The following SEMA6D variants were observed in gnomAD, a reference collection of about 807,000 sequenced individuals.
SEMA6D encodes semaphorin 6D.
A neutral mutation model predicts 106.6 loss-of-function variants in SEMA6D; 35 were observed. The ratio of observed to expected loss-of-function variants is 0.33; its 90% CI spans 0.25 to 0.44. The LOEUF (loss-of-function observed/expected upper bound fraction) is 0.44. Ranked by LOEUF, SEMA6D falls within the 20% of genes least tolerant of loss-of-function variation. SEMA6D has a pLI of 1.00. For missense variants in SEMA6D, 1,185 were observed against 1,345.9 expected (o/e 0.88, Z 1.87); for synonymous variants, 499 against 487.7 (o/e 1.02, Z -0.31).
intron 1 of SEMA6D, among the ~76,000 whole-genome samples, chr15:47,727,221 TC>T (rs2079814916): frequency 2.0e-5 from 3 of 152,188 alleles, no homozygotes; most frequent in Admixed American, 2.0e-4. Flanking sequence ...ACATCTTTGA[TC>T]TCCACCAGTG....
intron 1 of SEMA6D, among the ~76,000 whole-genome samples, chr15:47,286,185 C>T (rs1372978649): frequency 6.6e-6 from 1 of 152,120 alleles, no homozygotes; most frequent in African/African-American, 2.4e-5. Flanking sequence ...GAAATGGGAA[C>T]CTAAACTCTG....
intron 2 of SEMA6D, among the ~76,000 whole-genome samples, chr15:47,427,993 C>A (rs1315228784): frequency 6.6e-6 from 1 of 152,022 alleles, no homozygotes; most frequent in African/African-American, 2.4e-5. Context: ...TAATAAATTT[C>A]TTTCAGACAA....
chr15:47,505,933 T>A (rs1265474336), intron 3 of SEMA6D, among the ~76,000 whole-genome samples: 3 of 152,008 alleles, frequency 2.0e-5, no homozygotes, highest in African/African-American at 7.2e-5. Context: ...TGGGACGTGA[T>A]TGCAGAGATA....
At chr15:47,471,148 G>A (rs749532674) in intron 3 of SEMA6D, among the ~76,000 whole-genome samples, 1 of 152,112 alleles carries the variant, frequency 6.6e-6, no homozygotes, top group Non-Finnish European at 1.5e-5. Flanking sequence ...GTGGGAGCAG[G>A]GCCAGGGCAG....
intron 1 of SEMA6D, among the ~76,000 whole-genome samples, chr15:47,365,495 T>C (rs898584673): frequency 1.3e-5 from 2 of 152,178 alleles, no homozygotes; most frequent in Non-Finnish European, 2.9e-5. Flanking sequence ...ATCTCTTGAC[T>C]GGGTCAATTT....
intron 4 of SEMA6D, among the ~76,000 whole-genome samples, chr15:47,623,474 T>C (rs907415816): frequency 1.2e-4 from 18 of 152,254 alleles, no homozygotes; most frequent in Non-Finnish European, 2.1e-4. Context: ...TAGTAAAATT[T>C]ATCTTGATTT....
intron 4 of SEMA6D, among the ~76,000 whole-genome samples, chr15:47,667,570 A>C (rs2078051825): frequency 6.6e-6 from 1 of 152,224 alleles, no homozygotes; most frequent in African/African-American, 2.4e-5. Context: ...AGTAGCTTAT[A>C]AACAATAGAA....
intron 1 of SEMA6D, among the ~76,000 whole-genome samples, chr15:47,341,974 C>G (rs1474678431): frequency 6.6e-6 from 1 of 151,948 alleles, no homozygotes; most frequent in African/African-American, 2.4e-5. Flanking sequence ...TGAAATCATT[C>G]CATGTCTTCC....
At chr15:47,530,039 G>A (rs920113525) in intron 3 of SEMA6D, among the ~76,000 whole-genome samples, 1 of 152,186 alleles carries the variant, frequency 6.6e-6, no homozygotes, top group Non-Finnish European at 1.5e-5. Context: ...GGAGGAAGCA[G>A]TCACCATAGC....
At chr15:47,484,229 G>A (rs943317991) in intron 3 of SEMA6D, among the ~76,000 whole-genome samples, 6 of 152,104 alleles carry the variant, frequency 3.9e-5, no homozygotes, top group Non-Finnish European at 8.8e-5. Flanking sequence ...TTTGGCAGTA[G>A]GAGTTATCTT....
At chr15:47,613,894 G>T (rs529563335) in intron 4 of SEMA6D, among the ~76,000 whole-genome samples, 1 of 151,974 alleles carries the variant, frequency 6.6e-6, no homozygotes, top group Non-Finnish European at 1.5e-5. Flanking sequence ...TGATCCGCCC[G>T]CCTCGGCCTC....
chr15:47,257,494 A>G (rs2033871257), intron 1 of SEMA6D, among the ~76,000 whole-genome samples: 1 of 152,092 alleles, frequency 6.6e-6, no homozygotes, highest in Non-Finnish European at 1.5e-5. Flanking sequence ...GATATGTTCT[A>G]TTTTCATTTG....
chr15:47,546,939 A>T (rs889121814), intron 3 of SEMA6D, among the ~76,000 whole-genome samples: 19 of 152,184 alleles, frequency 1.2e-4, no homozygotes, highest in African/African-American at 4.6e-4. Context: ...GTGCTTGTGC[A>T]TCAAGAGCTA....
chr15:47,297,052 A>T (rs2035831129), intron 1 of SEMA6D, among the ~76,000 whole-genome samples: 1 of 152,176 alleles, frequency 6.6e-6, no homozygotes, highest in African/African-American at 2.4e-5. Flanking sequence ...CATCAGAGAG[A>T]GGATATTTTG....
At chr15:47,287,128 T>C (rs921092283) in intron 1 of SEMA6D, among the ~76,000 whole-genome samples, 2 of 152,164 alleles carry the variant, frequency 1.3e-5, no homozygotes, top group African/African-American at 4.8e-5. Context: ...CATATGTCTG[T>C]CTCTCCTGAT....
chr15:47,449,198 G>T (rs748352443), intron 2 of SEMA6D, among the ~76,000 whole-genome samples: 3 of 152,030 alleles, frequency 2.0e-5, no homozygotes, highest in Non-Finnish European at 4.4e-5. Context: ...ATATTCTCAT[G>T]TTTTATTGAA....
chr15:47,486,625 C>A (rs2043304282), intron 3 of SEMA6D, among the ~76,000 whole-genome samples: 1 of 152,226 alleles, frequency 6.6e-6, no homozygotes, highest in Admixed American at 6.5e-5. Flanking sequence ...CATATGCACC[C>A]TGCTGAAACC....
At chr15:47,584,793 G>A (rs1241586604) in intron 3 of SEMA6D, among the ~76,000 whole-genome samples, 1 of 152,264 alleles carries the variant, frequency 6.6e-6, no homozygotes, top group East Asian at 1.9e-4. Context: ...AAGGTGAAGA[G>A]AATTTTTTCA....
chr15:47,350,190 TTAG>T (rs1051900208), intron 1 of SEMA6D, among the ~76,000 whole-genome samples: 42 of 59,066 alleles, frequency 7.1e-4, no homozygotes, highest in African/African-American at 1.3e-3. Context: ...TGCTCTTAGA[TTAG>T]TACACTATCA....
Sources: gnomAD v4.1 joint callset for allele counts (sites outside exome capture counted in the v4.1 genomes callset) on GRCh38, gnomAD v4.1.1 for gene constraint, MANE v1.5 for transcripts, NCBI Gene and HGNC (gene_info 2026-07-23, HGNC 2026-07-21) for gene names.